ICMT: variants seen among roughly 807,000 people sequenced by gnomAD.
ICMT encodes isoprenylcysteine carboxyl methyltransferase, also known as protein-S-isoprenylcysteine O-methyltransferase.
In ICMT, 10 loss-of-function variants were observed where a neutral mutation model predicts 32.2. The observed-to-expected ratio is 0.31, with a 90% CI of 0.19 to 0.53. The LOEUF (loss-of-function observed/expected upper bound fraction) is 0.53, where lower values mean the gene tolerates loss of function less well. ICMT is among the 20% of genes least tolerant of loss of function. The pLI is 0.96. For missense variants in ICMT, 265 were observed against 356.9 expected, an observed-to-expected ratio of 0.74 and a Z score of 2.07; for synonymous variants, 183 against 158.2, an observed-to-expected ratio of 1.16 and a Z score of -1.18.
chr1:6,227,848 T>A (rs932752848), intron 4 of ICMT, among the ~76,000 whole-genome samples: 3 of 151,274 alleles, frequency 2.0e-5, no homozygotes, highest in Non-Finnish European at 4.4e-5. Context: ...AGAGCGAGAC[T>A]CTGTCTCAAA....
intron 1 of ICMT, 105 bp downstream of exon 1, chr1:6,235,612 C>T (rs1387963771): frequency 5.4e-6 from 4 of 743,062 alleles, no homozygotes; most frequent in Non-Finnish European, 6.9e-6. Flanking sequence ...GAAGAGCGCG[C>T]GCGTGGGAGG....
chr1:6,228,628 C>T (rs1668681654), intron 4 of ICMT, among the ~76,000 whole-genome samples: 1 of 151,778 alleles, frequency 6.6e-6, no homozygotes, highest in South Asian at 2.1e-4. Context: ...AGGCATGAGC[C>T]ACCATGCCCG....
Position 6,225,226 on chromosome 1 carries a change from C to A in ICMT, c.709G>T (p.Ala237Ser), listed in dbSNP as rs750859428. 1 of 1,613,916 alleles carries A rather than the reference C, an allele frequency of 6.2e-7. No individual in the cohort carries two copies. Among genetic ancestry groups the A allele is most frequent in the Non-Finnish European group, 8.5e-7 (1 of 1,179,978 alleles). ...CGGAAGAATCGCCACACTGTCAGGG[C>A]ATAGCTGACGCCGCAGATGGGGTTA... ...LCNPICGVSY[A>S]LTVWRFFRDR... The change falls in exon 5 of 5, where the codon GCC (alanine) becomes TCC (serine). Residue 237 changes from alanine (A) to serine (S), a missense_variant. Ala to Ser is a moderately conservative substitution (Grantham distance 99). Coordinates refer to ENST00000343813, the MANE Select transcript of ICMT (RefSeq NM_012405.4).
In ICMT at chr1:6,233,610, A is replaced by G; in HGVS notation, c.318T>C (p.Ser106=). The change falls in exon 3 of 5, where the codon TCT becomes TCC. Residue 106 remains serine (S), a synonymous_variant. Transcript: ENST00000343813. ...TATTGACTGCTGTCACCAAGTATTC[A>G]GAATAGTGGAACAATGACAGGGAGC... ...YMCSLSLFHY[S]EYLVTAVNNP... is the part of the protein sequence containing the mutation. 1 of 1,613,390 alleles carries G rather than the reference A, an allele frequency of 6.2e-7. No homozygotes were observed. The highest frequency in any genetic ancestry group is 8.5e-7 in the Non-Finnish European group (1 of 1,179,782).
chr1:6,234,792 G>A, intron 2 of ICMT, 94 bp downstream of exon 2: 2 of 950,106 alleles, frequency 2.1e-6, no homozygotes, highest in Non-Finnish European at 1.7e-6. Flanking sequence ...CCTTCTGCCG[G>A]TCACAGATGA....
chr1:6,235,948 C>G lies in ICMT; in HGVS notation c.-37G>C. ...GCGGACTAGCGGGCGGCGGCGCCGG[C>G]TGTAGCCCGGAGAAACGCGCCGGCT... On this transcript the variant is annotated 5_prime_UTR_variant, in exon 1 of 5. Coordinates refer to ENST00000343813, the MANE Select transcript of ICMT (RefSeq NM_012405.4). 4.7e-6 allele frequency: 5 copies of G among 1,068,358 alleles called. No individual in the cohort carries two copies. Among genetic ancestry groups the G allele is most frequent in the Non-Finnish European group, 5.7e-6 (5 of 877,352 alleles). The allele number at this position is 1,068,358 out of a possible 1,614,324, so 66.2% of individuals were successfully genotyped here. A position where few individuals can be genotyped will look rare whatever the true frequency, so the allele number is the denominator to read the frequency against.
intron 2 of ICMT, chr1:6,234,520 A>C (rs1668786368): frequency 2.1e-6 from 1 of 484,482 alleles, no homozygotes. Context: ...ACCTAATAGA[A>C]ATTAGAGATG....
chr1:6,230,126 T>C (rs1032832481), intron 4 of ICMT, among the ~76,000 whole-genome samples: 14 of 151,452 alleles, frequency 9.2e-5, no homozygotes, highest in African/African-American at 3.4e-4. Flanking sequence ...CCATCTCTTT[T>C]TTTTTTGAGA....
Position 6,235,818 on chromosome 1 carries a change from G to C in ICMT, c.94C>G (p.Leu32Val), listed in dbSNP as rs1173070367. ...CCCTGCAGGCCGGCGCGCGTGAGCAGCGGCAGCGCGAGCACCGAGGCGCCC... is the reference window on the plus strand; with the variant it reads ...CCCTGCAGGCCGGCGCGCGTGAGCACCGGCAGCGCGAGCACCGAGGCGCCC... ...LLGASVLALP[L>V]LTRAGLQGRT... The change falls in exon 1 of 5, where the codon CTG (leucine) becomes GTG (valine). Residue 32 changes from leucine (L) to valine (V), a missense_variant. Leu to Val is a conservative substitution (Grantham distance 32). This residue lies in a region of ICMT where 99 missense variants were observed against 92.6 expected (regional missense o/e 1.07). Coordinates refer to ENST00000343813, the MANE Select transcript of ICMT (RefSeq NM_012405.4). 1.5e-6 allele frequency: 2 copies of C among 1,314,758 alleles called. No individual in the cohort carries two copies. Among genetic ancestry groups the C allele is most frequent in the Non-Finnish European group, 2.0e-6 (2 of 1,022,518 alleles). The allele number at this position is 1,314,758 out of a possible 1,614,324, so 81.4% of individuals were successfully genotyped here. A position where few individuals can be genotyped will look rare whatever the true frequency, so the allele number is the denominator to read the frequency against.
chr1:6,228,931 G>A (rs1668687340), intron 4 of ICMT, among the ~76,000 whole-genome samples: 1 of 151,978 alleles, frequency 6.6e-6, no homozygotes, highest in Admixed American at 6.5e-5. Context: ...ACTCGCGGGG[G>A]CTGAGGCAGG....
intron 4 of ICMT, among the ~76,000 whole-genome samples, chr1:6,229,584 G>A (rs1237599500): frequency 6.6e-6 from 1 of 152,022 alleles, no homozygotes; most frequent in Admixed American, 6.6e-5. Context: ...ACTCAAACCC[G>A]GGAGGCGGAG....
rs34068915 is a variant in ICMT at position 6,230,586 on chromosome 1, T to TAA, written c.672+1314_672+1315dup. Among the ~76,000 whole-genome samples the TAA allele has an allele frequency of 3.9e-3, 405 of 104,268 alleles. 5 individuals carry two copies. Among genetic ancestry groups the TAA allele is most frequent in the Admixed American group, 0.02 (176 of 8,910 alleles). The allele number at this position is 104,268 out of a possible 152,430, so 68.4% of individuals were successfully genotyped here. ...GGGCAACACAGCAAGATCCTGTCTTTAAAAAAAAAAAAAAAAAAAAAAGCT... is the reference window on the plus strand; with the variant it reads ...GGGCAACACAGCAAGATCCTGTCTTTAAAAAAAAAAAAAAAAAAAAAAAAGCT... On this transcript the variant is annotated intron_variant, in intron 4 of 4. Coordinates refer to ENST00000343813, the MANE Select transcript of ICMT (RefSeq NM_012405.4).
rs772294631 is a variant in ICMT, at chr1:6,231,906, G to C, written c.668C>G (p.Thr223Ser). 1 of 1,554,932 alleles carries C rather than the reference G, an allele frequency of 6.4e-7. No individual in the cohort carries two copies. The highest frequency in any genetic ancestry group is 8.8e-7 in the Non-Finnish European group (1 of 1,138,732). The change falls in exon 4 of 5, where the codon ACT (threonine) becomes AGT (serine). Residue 223 changes from threonine (T) to serine (S), a missense_variant. Around this residue, in one of 2 missense-constraint regions of ICMT, gnomAD observed 166 missense variants for 264.3 expected, o/e 0.63. Transcript: ENST00000343813. Reference protein sequence around the residue: ...YVGWFYWSIGTQVMLCNPICG... With the variant: ...YVGWFYWSIGSQVMLCNPICG... ...GTGTCATATTTAATATTATACCTGAGTTCCAATACTCCAGTAAAACCACCC... is the reference window on the plus strand; with the variant it reads ...GTGTCATATTTAATATTATACCTGACTTCCAATACTCCAGTAAAACCACCC...
chr1:6,235,771 G>C lies in ICMT; in HGVS notation c.141C>G (p.Tyr47Ter). 7.4e-7 allele frequency: 1 copy of C among 1,344,216 alleles called. No individual in the cohort carries two copies. Among genetic ancestry groups the C allele is most frequent in the South Asian group, 1.5e-5 (1 of 66,112 alleles). The allele number at this position is 1,344,216 out of a possible 1,614,324, so 83.3% of individuals were successfully genotyped here. Residue 47 changes from tyrosine to a stop codon, truncating the protein, a stop_gained, in exon 1 of 5, where the codon TAC becomes TAG. Transcript: ENST00000343813. LOFTEE classifies it high-confidence loss of function. ...GCAGCAGCGCGTTGAGCCCGGCCACGTAGAGCGCCAGCCCGGTGCGGCCCT... is the reference window on the plus strand; with the variant it reads ...GCAGCAGCGCGTTGAGCCCGGCCACCTAGAGCGCCAGCCCGGTGCGGCCCT... ...GLQGRTGLAL[Y>*]VAGLNALLLL...
intron 4 of ICMT, among the ~76,000 whole-genome samples, chr1:6,227,378 T>A (rs1175192689): frequency 6.6e-6 from 1 of 152,224 alleles, no homozygotes; most frequent in East Asian, 1.9e-4. Flanking sequence ...GCCCCACCTA[T>A]ACCGTTAGGG....
chr1:6,224,914 T>A lies in ICMT; in HGVS notation c.*166A>T. Reference sequence around the variant, plus strand: ...AAGGACAGACTGCTCCAGTGGGGCCTTGGGTCCTCAGGCCTTCTGACCGCT... The same window carrying A: ...AAGGACAGACTGCTCCAGTGGGGCCATGGGTCCTCAGGCCTTCTGACCGCT... On this transcript the variant is annotated 3_prime_UTR_variant, in exon 5 of 5. Coordinates refer to ENST00000343813, the MANE Select transcript of ICMT (RefSeq NM_012405.4). 2.9e-6 allele frequency: 2 copies of A among 683,828 alleles called. No individual in the cohort carries two copies. The highest frequency in any genetic ancestry group is 5.1e-5 in the East Asian group (2 of 39,576). The allele number at this position is 683,828 out of a possible 1,614,324, so 42.4% of individuals were successfully genotyped here.
At position 6,224,968 on chromosome 1, in the gene ICMT, A is replaced by G. The variant is rs771058781; in HGVS notation, c.*112T>C. On this transcript the variant is annotated 3_prime_UTR_variant, in exon 5 of 5. Coordinates refer to ENST00000343813, the MANE Select transcript of ICMT (RefSeq NM_012405.4). ...TCTTGAGTGACATTCCAGAAGAGTGACTAATGACATAAAACGATTAAGAAA... is the reference window on the plus strand; with the variant it reads ...TCTTGAGTGACATTCCAGAAGAGTGGCTAATGACATAAAACGATTAAGAAA... The G allele has an allele frequency of 6.5e-5, 63 of 974,016 alleles. No homozygotes were observed. Among genetic ancestry groups the G allele is most frequent in the Admixed American group, 1.1e-4 (5 of 44,304 alleles). 60.3% of individuals were successfully genotyped at this position (974,016 alleles called of 1,614,324 possible). A position where few individuals can be genotyped will look rare whatever the true frequency, so the allele number is the denominator to read the frequency against.
At position 6,230,633 on chromosome 1, in the gene ICMT, T is replaced by C. The variant is rs367922361; in HGVS notation, c.672+1269A>G. Among the ~76,000 whole-genome samples, 10 of 142,544 alleles carry C rather than the reference T, an allele frequency of 7.0e-5. No individual in the cohort carries two copies. The East Asian group carries it at 2.1e-3, about 30-fold the overall frequency. 93.5% of individuals were successfully genotyped at this position (142,544 alleles called of 152,430 possible). A position where few individuals can be genotyped will look rare whatever the true frequency, so the allele number is the denominator to read the frequency against. The stretch of plus-strand genomic sequence containing the variant: ...AGCTGGGCACGGTGGCTCATGCCTA[T>C]AATCCCAGCACTTTGGGAGGCCGAG... On this transcript the variant is annotated intron_variant, in intron 4 of 4. Transcript: ENST00000343813.
At position 6,232,104 on chromosome 1, in the gene ICMT, G is replaced by T. The variant is rs960326988; in HGVS notation, c.470C>A (p.Thr157Asn). The part of the protein sequence containing the change: ...NIFWPELKQI[T>N]WLSVTGLLMV... ...CAGCAGCCCTGTGACACTGAGCCAG[G>T]TAATCTGCTTCAGTTCTGTGGGAGA... Residue 157 changes from threonine to asparagine, a missense_variant, in exon 4 of 5, where the codon ACC becomes AAC. By Grantham distance (65) the Thr-to-Asn change is moderately conservative. This residue lies in a region of ICMT where 166 missense variants were observed against 264.3 expected (regional missense o/e 0.63). Transcript: ENST00000343813. 6 of 1,613,554 alleles carry T rather than the reference G, an allele frequency of 3.7e-6. No individual in the cohort carries two copies. Among genetic ancestry groups the T allele is most frequent in the Non-Finnish European group, 5.1e-6 (6 of 1,179,758 alleles).
Sources: allele counts gnomAD v4.1 joint callset (sites outside exome capture counted in the v4.1 genomes callset), GRCh38; gene constraint gnomAD v4.1.1; regional missense constraint gnomAD v4.1.1; transcripts MANE v1.5; gene names NCBI Gene and HGNC (gene_info 2026-07-23, HGNC 2026-07-21).